ANXA3: variants seen among roughly 807,000 people sequenced by gnomAD.
The protein encoded by ANXA3 is 35-alpha calcimedin.
Under a neutral mutation model 48.8 loss-of-function variants are expected in ANXA3, and 46 were observed. The ratio of observed to expected loss-of-function variants is 0.94; its 90% CI spans 0.74 to 1.21. The LOEUF (loss-of-function observed/expected upper bound fraction) is 1.21, where lower values mean the gene tolerates loss of function less well. Among genes scored for constraint, ANXA3 ranks in the 50% most tolerant of loss-of-function variants. ANXA3 has a pLI of 0.00. For synonymous variants in ANXA3, 128 were observed against 134.7 expected (o/e 0.95, Z 0.35); for missense variants, 383 against 378.6 (o/e 1.01, Z -0.10).
intron 7 of ANXA3, among the ~76,000 whole-genome samples, chr4:78,593,539 T>C (rs2109944238): frequency 1.3e-5 from 2 of 151,528 alleles, no homozygotes; most frequent in South Asian, 4.2e-4. Flanking sequence ...CTTTACTTTT[T>C]AGAGCAGCTT....
chr4:78,578,329 GAA>G (rs1491309788), intron 3 of ANXA3, among the ~76,000 whole-genome samples: 99 of 112,090 alleles, frequency 8.8e-4, no homozygotes, highest in African/African-American at 1.1e-3. Context: ...GAGAGAGAGA[GAA>G]AGGGAGGGAG....
chr4:78,570,262 T>C (rs1029780587), intron 2 of ANXA3, among the ~76,000 whole-genome samples: 3 of 152,198 alleles, frequency 2.0e-5, no homozygotes, highest in Non-Finnish European at 4.4e-5. Context: ...CATAATAAAT[T>C]GGGAATTTCC....
Position 78,604,377 on chromosome 4 carries a change from A to G in ANXA3, c.890A>G (p.Tyr297Cys), listed in dbSNP as rs1560452404. 5.6e-6 allele frequency: 9 copies of G among 1,611,692 alleles called. No homozygotes were observed. Among genetic ancestry groups the G allele is most frequent in the Non-Finnish European group, 7.6e-6 (9 of 1,178,896 alleles). ...ACAGAGTTCAAGAAGCATTATGGCTATTCCCTATATTCAGCAATTAAAGTA... is the reference window on the plus strand; with the variant it reads ...ACAGAGTTCAAGAAGCATTATGGCTGTTCCCTATATTCAGCAATTAAAGTA... ...IRTEFKKHYG[Y>C]SLYSAIKSDT... Residue 297 changes from tyrosine (Y) to cysteine (C), a missense_variant, in exon 12 of 13, where the codon TAT becomes TGT. By Grantham distance (194) the Tyr-to-Cys change is radical (BLOSUM62 -2). Coordinates refer to ENST00000264908, the MANE Select transcript of ANXA3 (RefSeq NM_005139.3).
At chr4:78,598,289 TTTC>T (rs1485131650) in intron 10 of ANXA3, among the ~76,000 whole-genome samples, 2 of 146,708 alleles carry the variant, frequency 1.4e-5, no homozygotes, top group African/African-American at 5.5e-5. Flanking sequence ...CTTTTCTTTC[TTTC>T]TTTTTTTTTT....
intron 2 of ANXA3, among the ~76,000 whole-genome samples, chr4:78,569,054 A>G (rs1256351768): frequency 6.6e-6 from 1 of 152,262 alleles, no homozygotes; most frequent in Non-Finnish European, 1.5e-5. Flanking sequence ...CGCTTAGCAC[A>G]GTACTTGGCA....
At position 78,561,112 on chromosome 4, in the gene ANXA3, A is replaced by T. The variant is rs1364701882; in HGVS notation, c.15+6624A>T. ...CAGAATCATTCAAAACATGGGATCC[A>T]TATAGAAGATACCGAAAAAGGGATC... On this transcript the variant is annotated intron_variant, in intron 2 of 12. Coordinates refer to ENST00000264908, the MANE Select transcript of ANXA3 (RefSeq NM_005139.3). 2.0e-5 allele frequency among the ~76,000 whole-genome samples: 3 copies of T among 152,342 alleles called. No homozygotes were observed. In the South Asian group the frequency reaches 6.2e-4, roughly 32 times the overall value.
rs531663155 is a variant in ANXA3, at chr4:78,599,046, C to A, written c.730+1632C>A. On this transcript the variant is annotated intron_variant, in intron 10 of 12. Coordinates refer to ENST00000264908, the MANE Select transcript of ANXA3 (RefSeq NM_005139.3). ...TCATGTAAAAAAAGACCTTATAATTCAATTGAAGTTCAAAATATGTTACAC... is the reference window on the plus strand; with the variant it reads ...TCATGTAAAAAAAGACCTTATAATTAAATTGAAGTTCAAAATATGTTACAC... 3.3e-3 allele frequency among the ~76,000 whole-genome samples: 499 copies of A among 152,174 alleles called. 3 individuals are homozygous for A. The highest frequency in any genetic ancestry group is 0.011 in the African/African-American group (474 of 41,494).
chr4:78,607,605 C>G lies in ANXA3; in HGVS notation c.913-2451C>G, dbSNP rs549189772. On this transcript the variant is annotated intron_variant, in intron 12 of 12. Coordinates refer to ENST00000264908, the MANE Select transcript of ANXA3 (RefSeq NM_005139.3). ...ATTTAATAAATAGCACAATTCCAAG[C>G]TTTTTATGGGAAAATATAGTAGCCA... is the stretch of plus-strand genomic sequence containing the variant. Among the ~76,000 whole-genome samples the G allele has an allele frequency of 2.6e-5, 4 of 152,186 alleles. No homozygotes were observed. The South Asian group carries it at 8.3e-4, about 32-fold the overall frequency.
At chr4:78,584,828 G>C (rs192569677) in intron 5 of ANXA3, among the ~76,000 whole-genome samples, 79 of 152,368 alleles carry the variant, frequency 5.2e-4, no homozygotes, top group African/African-American at 1.8e-3. Context: ...AGCAGGGTAG[G>C]TGGGGTGAAC....
At chr4:78,569,267 T>G (rs2109930315) in intron 2 of ANXA3, among the ~76,000 whole-genome samples, 1 of 152,282 alleles carries the variant, frequency 6.6e-6, no homozygotes, top group Non-Finnish European at 1.5e-5. Flanking sequence ...AAAGGCAATT[T>G]TTTTTTTTTT....
intron 2 of ANXA3, among the ~76,000 whole-genome samples, chr4:78,569,092 G>A (rs180837981): frequency 2.6e-5 from 4 of 152,310 alleles, no homozygotes; most frequent in African/African-American, 7.2e-5. Flanking sequence ...ATTGTTCTTA[G>A]TATAAAGAGC....
intron 1 of ANXA3, among the ~76,000 whole-genome samples, 170 bp from the exon 2 acceptor site, chr4:78,554,266 A>G (rs1486958466): frequency 6.6e-6 from 1 of 152,188 alleles, no homozygotes; most frequent in East Asian, 1.9e-4. Context: ...TGCTCAGTAA[A>G]TGTTTGTTTA....
At chr4:78,572,446 C>T (rs1235637976) in intron 2 of ANXA3, among the ~76,000 whole-genome samples, 1 of 152,022 alleles carries the variant, frequency 6.6e-6, no homozygotes, top group African/African-American at 2.4e-5. Flanking sequence ...ATGTGGGAGA[C>T]AGAGTTATTA....
At chr4:78,595,636 G>T (rs1444490439) in intron 8 of ANXA3, among the ~76,000 whole-genome samples, 158 bp from the exon 9 acceptor site, 1 of 151,758 alleles carries the variant, frequency 6.6e-6, no homozygotes, top group Admixed American at 6.6e-5. Context: ...ATTCTCCTTG[G>T]CTCCTGACAG....
At chr4:78,569,627 C>T (rs1352193992) in intron 2 of ANXA3, among the ~76,000 whole-genome samples, 1 of 152,182 alleles carries the variant, frequency 6.6e-6, no homozygotes, top group East Asian at 1.9e-4. Context: ...TTTGTTAAAT[C>T]GCAGATTCTG....
chr4:78,585,016 C>T (rs1723143811), intron 5 of ANXA3, among the ~76,000 whole-genome samples: 1 of 152,202 alleles, frequency 6.6e-6, no homozygotes, highest in South Asian at 2.1e-4. Flanking sequence ...AAGTCCAGTA[C>T]CCCTGTTGTT....
At chr4:78,606,755 CAG>C (rs762606626) in intron 12 of ANXA3, among the ~76,000 whole-genome samples, 1 of 150,210 alleles carries the variant, frequency 6.7e-6, no homozygotes, top group Non-Finnish European at 1.5e-5. Flanking sequence ...TCTTTTTAAT[CAG>C]AGTTTTTGTT....
At chr4:78,564,897 T>C in intron 2 of ANXA3, among the ~76,000 whole-genome samples, 1 of 151,438 alleles carries the variant, frequency 6.6e-6, no homozygotes, top group South Asian at 2.1e-4. Flanking sequence ...GTCATGAAGG[T>C]GGTTGGGCCA....
chr4:78,572,489 A>G (rs1278496236), intron 2 of ANXA3, among the ~76,000 whole-genome samples: 1 of 152,194 alleles, frequency 6.6e-6, no homozygotes, highest in East Asian at 1.9e-4. Context: ...CTCAAAAGTT[A>G]GGGGTTTTTC....
Sources: gnomAD v4.1 joint callset for allele counts (sites outside exome capture counted in the v4.1 genomes callset) on GRCh38, gnomAD v4.1.1 for gene constraint, MANE v1.5 for transcripts, NCBI Gene and HGNC (gene_info 2026-07-23, HGNC 2026-07-21) for gene names.